PAPPA2: variants seen among roughly 807,000 people sequenced by gnomAD.
PAPPA2 encodes the protein pappalysin-2.
PAPPA2 carries 86 observed loss-of-function variants against 176.4 expected under a neutral mutation model. That is an observed-to-expected ratio of 0.49 (90% CI 0.41 to 0.58). The LOEUF (loss-of-function observed/expected upper bound fraction) is 0.58. Ranked by LOEUF, PAPPA2 falls within the 20% of genes least tolerant of loss-of-function variation. PAPPA2 has a pLI of 0.00. For missense variants in PAPPA2, 2,073 were observed against 2,256.9 expected (o/e 0.92, Z 1.65); for synonymous variants, 809 against 852.2 (o/e 0.95, Z 0.88).
intron 17 of PAPPA2, among the ~76,000 whole-genome samples, chr1:176,781,365 C>CT (rs35029858): frequency 0.054 from 2,512 of 46,202 alleles, 642 homozygotes; most frequent in East Asian, 0.13. Flanking sequence ...TTGTAAGGGG[C>CT]TTTTTTTTTT....
chr1:176,802,283 G>A (rs992204138), intron 21 of PAPPA2, among the ~76,000 whole-genome samples: 1 of 152,034 alleles, frequency 6.6e-6, no homozygotes, highest in East Asian at 1.9e-4. Flanking sequence ...ATCAATCCCT[G>A]TAGGAAAGGA....
At chr1:176,508,393 A>G (rs898264786) in intron 1 of PAPPA2, among the ~76,000 whole-genome samples, 4 of 152,210 alleles carry the variant, frequency 2.6e-5, no homozygotes, top group African/African-American at 9.6e-5. Flanking sequence ...AAAGAAAAAT[A>G]TGAACACTGA....
chr1:176,789,747 C>G lies in PAPPA2; in HGVS notation c.4716-62C>G. 2.6e-6 allele frequency: 4 copies of G among 1,533,728 alleles called. No homozygotes were observed. The South Asian group carries it at 4.8e-5, about 18-fold the overall frequency. ...ATTCTTATGCCATATTGCTGAGGAT[C>G]AAGTCTTTCATGACCTTCTTGAAAG... is the stretch of plus-strand genomic sequence containing the variant. On this transcript the variant is annotated intron_variant, in intron 17 of 22. Transcript: ENST00000367662.
At chr1:176,759,887 CT>C (rs979133661) in intron 14 of PAPPA2, among the ~76,000 whole-genome samples, 2 of 152,176 alleles carry the variant, frequency 1.3e-5, no homozygotes, top group African/African-American at 4.8e-5. Context: ...GAACCTGCCC[CT>C]AAGTCTGAAC....
At chr1:176,479,082 C>A (rs1572950281) in intron 1 of PAPPA2, among the ~76,000 whole-genome samples, 1 of 152,140 alleles carries the variant, frequency 6.6e-6, no homozygotes, top group East Asian at 1.9e-4. Context: ...TTAGACCCAC[C>A]AATAATAATA....
intron 12 of PAPPA2, among the ~76,000 whole-genome samples, chr1:176,725,017 A>G (rs185935983): frequency 4.1e-4 from 63 of 152,324 alleles, no homozygotes; most frequent in Non-Finnish European, 6.6e-4. Flanking sequence ...AACATTTTCT[A>G]TAAAGAAAGC....
chr1:176,826,254 A>G (rs1289274164), intron 21 of PAPPA2, among the ~76,000 whole-genome samples: 2 of 152,224 alleles, frequency 1.3e-5, no homozygotes, highest in Admixed American at 6.5e-5. Flanking sequence ...GAGTGCTGAC[A>G]ACCTGTTAGG....
At chr1:176,640,170 T>C (rs1227192854) in intron 3 of PAPPA2, among the ~76,000 whole-genome samples, 1 of 150,426 alleles carries the variant, frequency 6.6e-6, no homozygotes, top group Non-Finnish European at 1.5e-5. Context: ...TATTTTTTAT[T>C]TTTATTTTTA....
intron 17 of PAPPA2, among the ~76,000 whole-genome samples, chr1:176,771,684 T>A (rs1664232396): frequency 6.6e-6 from 1 of 152,366 alleles, no homozygotes; most frequent in African/African-American, 2.4e-5. Flanking sequence ...TTTAAAAATA[T>A]AAAACTCAAC....
At chr1:176,746,064 C>CA (rs1432306206) in intron 14 of PAPPA2, among the ~76,000 whole-genome samples, 1 of 152,174 alleles carries the variant, frequency 6.6e-6, no homozygotes, top group African/African-American at 2.4e-5. Context: ...CCCTGAAACT[C>CA]ACTAGGTGGT....
chr1:176,547,105 G>T (rs1338496885), intron 1 of PAPPA2, among the ~76,000 whole-genome samples: 1 of 152,124 alleles, frequency 6.6e-6, no homozygotes, highest in East Asian at 1.9e-4. Flanking sequence ...ATACAATGAA[G>T]TTGCCATGTA....
intron 1 of PAPPA2, among the ~76,000 whole-genome samples, chr1:176,549,676 T>C (rs2102578743): frequency 6.6e-6 from 1 of 152,210 alleles, no homozygotes; most frequent in Admixed American, 6.5e-5. Context: ...CCCCTCAGAG[T>C]CTAGGCGAGA....
chr1:176,531,051 G>A (rs1329290160), intron 1 of PAPPA2, among the ~76,000 whole-genome samples: 1 of 152,160 alleles, frequency 6.6e-6, no homozygotes, highest in Non-Finnish European at 1.5e-5. Flanking sequence ...TTTTAGTTCT[G>A]TCTACATGAG....
chr1:176,788,367 G>T (rs1665032746), intron 17 of PAPPA2, among the ~76,000 whole-genome samples: 1 of 152,162 alleles, frequency 6.6e-6, no homozygotes, highest in Admixed American at 6.5e-5. Flanking sequence ...GAAGCTACAG[G>T]AGGTATTGCA....
At chr1:176,769,277 C>G (rs1404841546) in intron 15 of PAPPA2, among the ~76,000 whole-genome samples, 1 of 152,174 alleles carries the variant, frequency 6.6e-6, no homozygotes, top group African/African-American at 2.4e-5. Flanking sequence ...ATGAAACCCA[C>G]TGGAGTCAGT....
chr1:176,605,412 G>C (rs1016902811), intron 3 of PAPPA2, among the ~76,000 whole-genome samples: 3 of 152,222 alleles, frequency 2.0e-5, no homozygotes, highest in Non-Finnish European at 4.4e-5. Flanking sequence ...TGCAGAGACT[G>C]TGGCATTCAG....
intron 3 of PAPPA2, among the ~76,000 whole-genome samples, chr1:176,636,470 G>A (rs548079636): frequency 8.5e-5 from 13 of 152,270 alleles, no homozygotes; most frequent in Non-Finnish European, 1.8e-4. Flanking sequence ...AGTCAGAGGA[G>A]GAACACTGGA....
At chr1:176,814,311 T>C (rs1054315891) in intron 21 of PAPPA2, among the ~76,000 whole-genome samples, 6 of 152,210 alleles carry the variant, frequency 3.9e-5, no homozygotes, top group African/African-American at 1.4e-4. Context: ...TTTTTTCTAA[T>C]CCTGTGAAGA....
chr1:176,674,843 G>T (rs948147031), intron 4 of PAPPA2, among the ~76,000 whole-genome samples: 5 of 151,530 alleles, frequency 3.3e-5, no homozygotes, highest in Non-Finnish European at 4.4e-5. Flanking sequence ...GTTCTTAAGG[G>T]ATCTCCATAC....
Sources: gnomAD v4.1 joint callset for allele counts (sites outside exome capture counted in the v4.1 genomes callset) on GRCh38, gnomAD v4.1.1 for gene constraint, MANE v1.5 for transcripts, NCBI Gene and HGNC (gene_info 2026-07-23, HGNC 2026-07-21) for gene names.